Variants in KALRN observed in about 807,000 individuals in gnomAD.
KALRN encodes kalirin RhoGEF kinase, also known as kalirin.
KALRN carries 70 observed loss-of-function variants against 353.7 expected under a neutral mutation model. The observed-to-expected ratio is 0.20, with a 90% CI of 0.16 to 0.24. KALRN has a LOEUF of 0.24. Among genes scored for constraint, KALRN ranks in the 10% least tolerant of loss-of-function variants. KALRN has a pLI of 1.00. For synonymous variants in KALRN, 1,391 were observed against 1,434.8 expected, an observed-to-expected ratio of 0.97 and a Z score of 0.69; for missense variants, 2,791 against 3,756.7, an observed-to-expected ratio of 0.74 and a Z score of 6.72.
intron 33 of KALRN, among the ~76,000 whole-genome samples, chr3:124,530,416 G>GC (rs1554020640): frequency 6.6e-6 from 1 of 151,904 alleles, no homozygotes; most frequent in Admixed American, 6.6e-5. Context: ...GGTTGTTTTT[G>GC]TTTTTTTATT....
intron 10 of KALRN, among the ~76,000 whole-genome samples, chr3:124,381,007 A>G (rs1404566967): frequency 6.6e-6 from 1 of 152,218 alleles, no homozygotes; most frequent in African/African-American, 2.4e-5. Flanking sequence ...TAAGGGAAAG[A>G]GATGAAAGAC....
chr3:124,352,107 G>A (rs2082892396), intron 10 of KALRN, among the ~76,000 whole-genome samples: 1 of 152,312 alleles, frequency 6.6e-6, no homozygotes, highest in South Asian at 2.1e-4. Context: ...TCAACTAATG[G>A]ACTCAGTTTG....
At chr3:124,123,674 G>A (rs2064300673) in intron 1 of KALRN, among the ~76,000 whole-genome samples, 1 of 152,222 alleles carries the variant, frequency 6.6e-6, no homozygotes, top group Non-Finnish European at 1.5e-5. Flanking sequence ...ATTGGAAGAA[G>A]CTAGAGAAGA....
rs565566708 is a variant in KALRN at position 124,334,937 on chromosome 3, C to T, written c.1647+442C>T. On this transcript the variant is annotated intron_variant, in intron 9 of 59. Coordinates refer to ENST00000682506, the MANE Select transcript of KALRN (RefSeq NM_001388419.1). This position sits in a 1 kb window ranked among gnomAD's most constrained non-coding sequence, Gnocchi z 4.2. ...AGCCTCCCAAGTAGCTGGGATTAACCGCATGTGCCATCACACCCAGCTAAT... is the reference window on the plus strand; with the variant it reads ...AGCCTCCCAAGTAGCTGGGATTAACTGCATGTGCCATCACACCCAGCTAAT... Among the ~76,000 whole-genome samples the T allele has an allele frequency of 1.3e-5, 2 of 152,248 alleles. No individual in the cohort carries two copies. Among genetic ancestry groups the T allele is most frequent in the African/African-American group, 2.4e-5 (1 of 41,552 alleles).
At chr3:124,047,690 A>G (rs1451359088) in intron 1 of KALRN, among the ~76,000 whole-genome samples, 1 of 148,736 alleles carries the variant, frequency 6.7e-6, no homozygotes, top group Non-Finnish European at 1.5e-5. Context: ...TTTTTAGTAG[A>G]GACAGGGTTT....
At chr3:124,050,552 G>T (rs967209993) in intron 1 of KALRN, among the ~76,000 whole-genome samples, 47 of 152,302 alleles carry the variant, frequency 3.1e-4, no homozygotes, top group African/African-American at 9.4e-4. Flanking sequence ...ATAACCATTA[G>T]GGTATTTCCA....
chr3:124,556,403 A>T (rs903075359), intron 33 of KALRN, among the ~76,000 whole-genome samples: 1 of 148,978 alleles, frequency 6.7e-6, no homozygotes, highest in Admixed American at 6.7e-5. Context: ...CACATTTGCT[A>T]AAAAAAAAAT....
chr3:124,215,095 T>C (rs1197982653), intron 1 of KALRN, among the ~76,000 whole-genome samples: 1 of 151,890 alleles, frequency 6.6e-6, no homozygotes, highest in African/African-American at 2.4e-5. Flanking sequence ...GCCTGCCAAC[T>C]GCTGGCAGCT....
chr3:124,341,684 G>A (rs897298645), intron 9 of KALRN, among the ~76,000 whole-genome samples: 1 of 152,152 alleles, frequency 6.6e-6, no homozygotes, highest in African/African-American at 2.4e-5. Context: ...AATTAAACAT[G>A]TATTAAGCAA....
chr3:124,545,142 A>G (rs2069488140), intron 33 of KALRN, among the ~76,000 whole-genome samples: 1 of 152,232 alleles, frequency 6.6e-6, no homozygotes, highest in Admixed American at 6.5e-5. Flanking sequence ...GAAGGTTCCC[A>G]CAATTCCTAT....
chr3:124,254,309 G>C (rs922466567), intron 3 of KALRN, among the ~76,000 whole-genome samples: 1 of 151,500 alleles, frequency 6.6e-6, no homozygotes, highest in African/African-American at 2.4e-5. Context: ...GTGTGACCTA[G>C]AGCAAGTCAC....
chr3:124,667,797 G>A (rs1388620748), intron 47 of KALRN, among the ~76,000 whole-genome samples: 1 of 152,168 alleles, frequency 6.6e-6, no homozygotes, highest in Non-Finnish European at 1.5e-5. Flanking sequence ...TGGGTGGTGT[G>A]AACTGGAGTG....
intron 33 of KALRN, among the ~76,000 whole-genome samples, chr3:124,536,663 C>T (rs2068547974): frequency 6.6e-6 from 1 of 152,194 alleles, no homozygotes; most frequent in Non-Finnish European, 1.5e-5. Flanking sequence ...CCTTGAGACT[C>T]ATAACTCCTA....
chr3:124,197,407 C>T (rs550248353), intron 1 of KALRN, among the ~76,000 whole-genome samples: 10 of 152,330 alleles, frequency 6.6e-5, no homozygotes, highest in Non-Finnish European at 1.5e-4. Flanking sequence ...TATAAACAAA[C>T]ACCCAGAACA....
At chr3:124,117,931 T>A (rs1269315705) in intron 1 of KALRN, among the ~76,000 whole-genome samples, 1 of 152,242 alleles carries the variant, frequency 6.6e-6, no homozygotes, top group African/African-American at 2.4e-5. Context: ...GCATTGTAAA[T>A]CTTTCTCACA....
In KALRN at chr3:124,720,435, G is replaced by A. The variant is rs531626994; in HGVS notation, c.*965G>A. ...CTTTCCTACAGTTCCTATGAACAAC[G>A]TACCAACACTTTCTGATTTCTTCTA... On this transcript the variant is annotated 3_prime_UTR_variant, in exon 60 of 60. Transcript: ENST00000682506. 2.0e-5 allele frequency: 3 copies of A among 152,664 alleles called. No individual in the cohort carries two copies. In the South Asian group the frequency reaches 6.2e-4, roughly 32 times the overall value. 9.5% of individuals were successfully genotyped at this position (152,664 alleles called of 1,614,324 possible).
intron 10 of KALRN, among the ~76,000 whole-genome samples, chr3:124,369,602 G>A (rs552988): frequency 0.64 from 97,646 of 152,044 alleles, 31,877 homozygotes; most frequent in East Asian, 0.89. Flanking sequence ...TTGTGGTGAG[G>A]GAACTTTATA....
At chr3:124,117,053 T>C (rs1402102838) in intron 1 of KALRN, among the ~76,000 whole-genome samples, 3 of 152,226 alleles carry the variant, frequency 2.0e-5, no homozygotes, top group African/African-American at 7.2e-5. Context: ...AATTAACATC[T>C]GCTCACCACC....
At chr3:124,365,289 C>A (rs2084537287) in intron 10 of KALRN, among the ~76,000 whole-genome samples, 1 of 152,106 alleles carries the variant, frequency 6.6e-6, no homozygotes, top group East Asian at 1.9e-4. Context: ...GTACCTATGG[C>A]AATGTCCACA....
Sources: allele counts gnomAD v4.1 joint callset (sites outside exome capture counted in the v4.1 genomes callset), GRCh38; gene constraint gnomAD v4.1.1; non-coding constraint Gnocchi (gnomAD v3.1); transcripts MANE v1.5; gene names NCBI Gene and HGNC (gene_info 2026-07-23, HGNC 2026-07-21).